The following COA1 variants were observed in gnomAD, a reference collection of about 807,000 sequenced individuals.
COA1 encodes cytochrome c oxidase assembly factor 1 homolog.
A neutral mutation model predicts 16.0 loss-of-function variants in COA1; 13 were observed. That is an observed-to-expected ratio of 0.81 (90% confidence interval 0.53 to 1.29). The LOEUF is 1.29. Among genes scored for constraint, COA1 ranks in the 50% most tolerant of loss-of-function variants. COA1 has a pLI of 0.00. For synonymous variants in COA1, 65 were observed against 65.7 expected, an observed-to-expected ratio of 0.99 and a Z score of 0.05; for missense variants, 179 against 177.0, an observed-to-expected ratio of 1.01 and a Z score of -0.06.
At chr7:43,687,738 T>C (rs2094105011) in intron 1 of COA1, among the ~76,000 whole-genome samples, 1 of 152,100 alleles carries the variant, frequency 6.6e-6, no homozygotes, top group Non-Finnish European at 1.5e-5. Flanking sequence ...CATTCTTCCA[T>C]GTTTTATTTC....
In COA1 at chr7:43,715,671, A is replaced by G. The variant is rs192341420; in HGVS notation, c.-39+13758T>C. ...CTTTTTCTCTTGTAATTCCTCTCCT[A>G]AAGTATTTACAAAGGATGACAGTCT... On this transcript the variant is annotated intron_variant, in intron 1 of 5. Coordinates refer to ENST00000223336, the MANE Select transcript of COA1 (RefSeq NM_018224.4). Among the ~76,000 whole-genome samples the G allele has an allele frequency of 1.6e-4, 24 of 152,272 alleles. No individual in the cohort carries two copies. In the East Asian group the frequency reaches 4.2e-3, roughly 27 times the overall value.
chr7:43,646,718 C>T (rs909479309), intron 3 of COA1: 6 of 426,768 alleles, frequency 1.4e-5, no homozygotes, highest in South Asian at 5.0e-5. Flanking sequence ...TTCCTGGGAA[C>T]GCTCATCTCA....
intron 6 of COA1, among the ~76,000 whole-genome samples, chr7:43,614,944 A>C (rs1157701095): frequency 6.6e-6 from 1 of 152,244 alleles, no homozygotes; most frequent in African/African-American, 2.4e-5. Context: ...AACTATTTTA[A>C]GGGAACAAAT....
At chr7:43,616,852 G>C (rs778753367) in intron 6 of COA1, among the ~76,000 whole-genome samples, 2 of 152,248 alleles carry the variant, frequency 1.3e-5, no homozygotes, top group East Asian at 3.9e-4. Context: ...AGCCGAGATC[G>C]CGCCACTGCA....
chr7:43,657,036 AATAAAATAAAAT>A (rs1315685647), intron 1 of COA1, among the ~76,000 whole-genome samples: 1 of 152,150 alleles, frequency 6.6e-6, no homozygotes, highest in Non-Finnish European at 1.5e-5. Context: ...CTCAAAAAGA[AATAAAATAAAAT>A]ATAAAATAAA....
chr7:43,726,200 G>A (rs10236639), intron 1 of COA1, among the ~76,000 whole-genome samples: 22,355 of 152,136 alleles, frequency 0.15, 2,192 homozygotes, highest in Non-Finnish European at 0.21. Context: ...GAACAAAGTT[G>A]AAGCAGATCA....
intron 1 of COA1, among the ~76,000 whole-genome samples, chr7:43,691,423 AAGAAAGAAAGAAAG>A (rs1188778540): frequency 2.7e-4 from 7 of 26,270 alleles, no homozygotes; most frequent in Admixed American, 7.4e-4. Flanking sequence ...AAGAAAGAAA[AAGAAAGAAAGAAAG>A]AAAGAAAGAA....
intron 1 of COA1, among the ~76,000 whole-genome samples, chr7:43,666,163 C>T (rs991487339): frequency 7.9e-5 from 12 of 152,290 alleles, no homozygotes; most frequent in Middle Eastern, 3.4e-3. Flanking sequence ...AAGTTATATA[C>T]TTATACTAAA....
chr7:43,658,135 G>A (rs1291849566), intron 1 of COA1, among the ~76,000 whole-genome samples: 19 of 152,052 alleles, frequency 1.2e-4, no homozygotes, highest in Admixed American at 1.2e-3. Context: ...CCAGCACTTT[G>A]GGAGGCCGAG....
At chr7:43,691,362 AGGGAGGGAGGGAGGG>A (rs1563383727) in intron 1 of COA1, among the ~76,000 whole-genome samples, 28 of 66,118 alleles carry the variant, frequency 4.2e-4, no homozygotes, top group Middle Eastern at 5.2e-3. Flanking sequence ...GGAGGGAGGG[AGGGAGGGAGGGAGGG>A]AGGAAGGAAG....
Position 43,663,903 on chromosome 7 carries a change from G to A in COA1, c.-38-15251C>T, listed in dbSNP as rs189751657. On this transcript the variant is annotated intron_variant, in intron 1 of 5. Coordinates refer to ENST00000223336, the MANE Select transcript of COA1 (RefSeq NM_018224.4). The stretch of plus-strand genomic sequence containing the variant: ...AGGCAGGCAGATGGCTTGAGCTCAG[G>A]AGTTTGAGACCAGTCTGGGCAACAT... 1.8e-4 allele frequency among the ~76,000 whole-genome samples: 28 copies of A among 152,032 alleles called. No homozygotes were observed. The East Asian group carries it at 4.8e-3, about 26-fold the overall frequency.
downstream of COA1, among the ~76,000 whole-genome samples, chr7:43,635,593 C>CA (rs2085734369): frequency 6.6e-6 from 1 of 152,194 alleles, no homozygotes; most frequent in Non-Finnish European, 1.5e-5. Context: ...GCCACACAGT[C>CA]ACACCTAAGT....
chr7:43,723,694 A>C (rs1180421288), intron 1 of COA1, among the ~76,000 whole-genome samples: 2 of 152,148 alleles, frequency 1.3e-5, no homozygotes, highest in Non-Finnish European at 2.9e-5. Context: ...TGGGAGGCTG[A>C]GGTGGGCGGA....
intron 1 of COA1, among the ~76,000 whole-genome samples, chr7:43,664,099 T>C (rs1015208452): frequency 2.8e-4 from 12 of 42,714 alleles, no homozygotes; most frequent in African/African-American, 1.9e-3. Flanking sequence ...TATTTGTCTT[T>C]AGAAAGAGAG....
At chr7:43,701,479 T>C (rs546209798) in intron 1 of COA1, among the ~76,000 whole-genome samples, 1 of 152,358 alleles carries the variant, frequency 6.6e-6, no homozygotes, top group Admixed American at 6.5e-5. Context: ...TATTCCATGG[T>C]GTGTATGTAC....
At chr7:43,648,441 C>A (rs890205157) in intron 2 of COA1, 159 bp downstream of exon 2, 32 of 799,616 alleles carry the variant, frequency 4.0e-5, no homozygotes, top group Non-Finnish European at 6.3e-5. Flanking sequence ...GGAAACAATG[C>A]AGAAAATGCC....
intron 1 of COA1, among the ~76,000 whole-genome samples, chr7:43,715,459 C>G (rs2095370103): frequency 6.8e-6 from 1 of 147,220 alleles, no homozygotes; most frequent in Non-Finnish European, 1.5e-5. Flanking sequence ...GCCTGGGCAA[C>G]AGAGCAAGAC....
intron 4 of COA1, among the ~76,000 whole-genome samples, chr7:43,643,310 A>G (rs894661252): frequency 5.9e-5 from 9 of 152,184 alleles, no homozygotes; most frequent in African/African-American, 2.2e-4. Flanking sequence ...CCTTTGGCAC[A>G]CAATTCCTCA....
chr7:43,666,742 T>C (rs974986019), intron 1 of COA1, among the ~76,000 whole-genome samples: 7 of 152,324 alleles, frequency 4.6e-5, no homozygotes, highest in African/African-American at 1.4e-4. Flanking sequence ...TAGAGCTGGA[T>C]GCTGAAAAGT....
Sources: allele counts gnomAD v4.1 joint callset (sites outside exome capture counted in the v4.1 genomes callset), GRCh38; gene constraint gnomAD v4.1.1; transcripts MANE v1.5; gene names NCBI Gene and HGNC (gene_info 2026-07-23, HGNC 2026-07-21).